Variants in GAL3ST2 observed in about 807,000 individuals in gnomAD.
GAL3ST2 encodes the protein beta-galactose-3-O-sulfotransferase 2.
Under a neutral mutation model 12.9 loss-of-function variants are expected in GAL3ST2, and 16 were observed. That is an observed-to-expected ratio of 1.24 (90% confidence interval 0.84 to 1.88). The LOEUF is 1.88. Among genes scored for constraint, GAL3ST2 ranks in the 40% most tolerant of loss-of-function variants. The pLI is 0.00. For synonymous variants in GAL3ST2, 302 were observed against 273.9 expected, an observed-to-expected ratio of 1.10 and a Z score of -1.01; for missense variants, 639 against 571.8, an observed-to-expected ratio of 1.12 and a Z score of -1.20.
chr2:241,780,576 T>G (rs1398257223), intron 1 of GAL3ST2, among the ~76,000 whole-genome samples: 2 of 152,226 alleles, frequency 1.3e-5, no homozygotes, highest in Admixed American at 1.3e-4. Context: ...GTTTCCCATT[T>G]TTACTAAAGA....
At chr2:241,798,605 G>A (rs1699803614) in intron 1 of GAL3ST2, among the ~76,000 whole-genome samples, 1 of 152,192 alleles carries the variant, frequency 6.6e-6, no homozygotes, top group African/African-American at 2.4e-5. Context: ...ATCACGCTGT[G>A]TGTTAGGGGT....
At chr2:241,789,294 G>T (rs958929086) in intron 1 of GAL3ST2, among the ~76,000 whole-genome samples, 1 of 152,148 alleles carries the variant, frequency 6.6e-6, no homozygotes, top group South Asian at 2.1e-4. Flanking sequence ...TTGTGTGTGT[G>T]TATGTGTGAT....
At chr2:241,790,795 A>G (rs1478318157) in intron 1 of GAL3ST2, among the ~76,000 whole-genome samples, 1 of 152,238 alleles carries the variant, frequency 6.6e-6, no homozygotes, top group East Asian at 1.9e-4. Flanking sequence ...ATTAAGAGCC[A>G]GGCACCCTTT....
chr2:241,790,036 A>T (rs1370544122), intron 1 of GAL3ST2, among the ~76,000 whole-genome samples: 4 of 152,086 alleles, frequency 2.6e-5, no homozygotes, highest in African/African-American at 9.7e-5. Flanking sequence ...ATGTTAAGTT[A>T]TTGTATGCCA....
chr2:241,796,766 T>C (rs1559416772), intron 1 of GAL3ST2, among the ~76,000 whole-genome samples: 1 of 152,018 alleles, frequency 6.6e-6, no homozygotes, highest in Non-Finnish European at 1.5e-5. Flanking sequence ...CCGGGGTAGA[T>C]GGTTACTGGG....
intron 1 of GAL3ST2, among the ~76,000 whole-genome samples, chr2:241,777,333 G>T (rs978372141): frequency 6.6e-6 from 1 of 152,210 alleles, no homozygotes; most frequent in Non-Finnish European, 1.5e-5. Context: ...TCGGTCTGCG[G>T]CTCAGGCCCA....
At position 241,800,918 on chromosome 2, in the gene GAL3ST2, C is replaced by G. The variant is rs1339644155; in HGVS notation, c.120-863C>G. 1 of 152,220 alleles carries G rather than the reference C, an allele frequency of 6.6e-6. No individual in the cohort carries two copies. Among genetic ancestry groups the G allele is most frequent in the Non-Finnish European group, 1.5e-5 (1 of 68,054 alleles). 9.4% of individuals were successfully genotyped at this position (152,220 alleles called of 1,614,324 possible). A position where few individuals can be genotyped will look rare whatever the true frequency, so the allele number is the denominator to read the frequency against. ...TAGCGTCTTATGGCCACAGTCAGTTCTGCTGGGCCATGGTCTCCTTTTATT... is the reference window on the plus strand; with the variant it reads ...TAGCGTCTTATGGCCACAGTCAGTTGTGCTGGGCCATGGTCTCCTTTTATT... On this transcript the variant is annotated intron_variant, in intron 2 of 3. Transcript: ENST00000192314. This position sits in a 1 kb window ranked among gnomAD's most constrained non-coding sequence, Gnocchi z 5.2.
At chr2:241,788,386 ATT>A (rs879352974) in intron 1 of GAL3ST2, among the ~76,000 whole-genome samples, 1 of 149,282 alleles carries the variant, frequency 6.7e-6, no homozygotes, top group South Asian at 2.1e-4. Flanking sequence ...TCTTGGCTGT[ATT>A]TTTTTTTTCT....
rs528958969 is a variant in GAL3ST2, at chr2:241,798,946, A to G, written c.30-119A>G. 22 of 779,912 alleles carry G rather than the reference A, an allele frequency of 2.8e-5. No individual in the cohort carries two copies. In the East Asian group the frequency reaches 5.3e-4, roughly 19 times the overall value. 48.3% of individuals were successfully genotyped at this position (779,912 alleles called of 1,614,324 possible). A position where few individuals can be genotyped will look rare whatever the true frequency, so the allele number is the denominator to read the frequency against. ...AGTGGGTTTGAGGACAAGACGTTAC[A>G]GAGGTGAGGGGAGGCCCAGACCTGT... On this transcript the variant is annotated intron_variant, in intron 1 of 3. Transcript: ENST00000192314.
chr2:241,778,344 GGA>G (rs1444542485), intron 1 of GAL3ST2, among the ~76,000 whole-genome samples: 3 of 152,258 alleles, frequency 2.0e-5, no homozygotes, highest in Non-Finnish European at 4.4e-5. Context: ...CCAGAACAGA[GGA>G]GAGACTTTGC....
rs758020541 is a variant in GAL3ST2, at chr2:241,776,932, C to T, written c.-24C>T. 3.3e-6 allele frequency: 5 copies of T among 1,527,638 alleles called. No individual in the cohort carries two copies. In the Admixed American group the frequency reaches 5.7e-5, roughly 17 times the overall value. The allele number at this position is 1,527,638 out of a possible 1,614,324, so 94.6% of individuals were successfully genotyped here. ...GGGGGAGCTCAAGCCTCGACTGTCC[C>T]CTCGCTGGAGGCCAGAGGCCAAGAT... On this transcript the variant is annotated 5_prime_UTR_variant, in exon 1 of 4. Coordinates refer to ENST00000192314, the MANE Select transcript of GAL3ST2 (RefSeq NM_022134.3).
At chr2:241,783,176 A>AT (rs1460645287) in intron 1 of GAL3ST2, among the ~76,000 whole-genome samples, 1 of 151,752 alleles carries the variant, frequency 6.6e-6, no homozygotes, top group African/African-American at 2.4e-5. Flanking sequence ...TTTAATCTCA[A>AT]TTTTTTTTCC....
intron 1 of GAL3ST2, among the ~76,000 whole-genome samples, chr2:241,784,329 G>A (rs372232646): frequency 6.6e-5 from 10 of 152,088 alleles, no homozygotes; most frequent in East Asian, 3.8e-4. Context: ...CACCATGCCC[G>A]GCCTAAAGTC....
At chr2:241,785,552 CAAA>C (rs80247515) in intron 1 of GAL3ST2, among the ~76,000 whole-genome samples, 3 of 72,834 alleles carry the variant, frequency 4.1e-5, no homozygotes, top group East Asian at 4.3e-4. Context: ...AACTCCGTCT[CAAA>C]AAAAAAAAAA....
At chr2:241,796,718 CG>C (rs1559416762) in intron 1 of GAL3ST2, among the ~76,000 whole-genome samples, 1 of 152,106 alleles carries the variant, frequency 6.6e-6, no homozygotes, top group African/African-American at 2.4e-5. Context: ...CGGCTGGGGT[CG>C]GGGGAGACAG....
At chr2:241,779,391 G>A (rs1699536984) in intron 1 of GAL3ST2, among the ~76,000 whole-genome samples, 1 of 150,988 alleles carries the variant, frequency 6.6e-6, no homozygotes. Context: ...CCGCCACCTC[G>A]CCCAGCTAAT....
At chr2:241,798,725 T>C (rs1324616745) in intron 1 of GAL3ST2, among the ~76,000 whole-genome samples, 1 of 152,128 alleles carries the variant, frequency 6.6e-6, no homozygotes, top group Non-Finnish European at 1.5e-5. Flanking sequence ...CAGGGGGCCC[T>C]GCGTGGGTAG....
intron 1 of GAL3ST2, among the ~76,000 whole-genome samples, chr2:241,789,036 G>A (rs1178108981): frequency 6.6e-6 from 1 of 152,218 alleles, no homozygotes. Flanking sequence ...ACTTGCCAGA[G>A]TAAAATGGAA....
In GAL3ST2 at chr2:241,791,831, A is replaced by G. The variant is rs564112435; in HGVS notation, c.30-7234A>G. On this transcript the variant is annotated intron_variant, in intron 1 of 3. Transcript: ENST00000192314. ...CTGGAGAGAGAAAAATTATGTTTCA[A>G]TACTATGGTACACCTATTTTTAGAT... is the stretch of plus-strand genomic sequence containing the variant. 2.6e-5 allele frequency among the ~76,000 whole-genome samples: 4 copies of G among 152,014 alleles called. No individual in the cohort carries two copies. The East Asian group carries it at 5.8e-4, about 22-fold the overall frequency.
Sources: allele counts gnomAD v4.1 joint callset (sites outside exome capture counted in the v4.1 genomes callset), GRCh38; gene constraint gnomAD v4.1.1; non-coding constraint Gnocchi (gnomAD v3.1); transcripts MANE v1.5; gene names NCBI Gene and HGNC (gene_info 2026-07-23, HGNC 2026-07-21).